PPP2R3B: variants seen among roughly 807,000 people sequenced by gnomAD.
PPP2R3B encodes the protein serine/threonine-protein phosphatase 2A regulatory subunit B'' subunit beta.
Under a neutral mutation model 72.9 loss-of-function variants are expected in PPP2R3B, and 68 were observed. The ratio of observed to expected loss-of-function variants is 0.93; its 90% CI spans 0.77 to 1.14. The LOEUF is 1.14. Among genes scored for constraint, PPP2R3B ranks in the 50% most tolerant of loss-of-function variants. PPP2R3B has a pLI of 0.00. For synonymous variants in PPP2R3B, 466 were observed against 375.8 expected, an observed-to-expected ratio of 1.24 and a Z score of -2.78; for missense variants, 1,018 against 842.0, an observed-to-expected ratio of 1.21 and a Z score of -2.59.
Position 364,636 on chromosome X carries a change from TC to T in PPP2R3B, c.325-3047del, listed in dbSNP as rs2071656586. 6.3e-5 allele frequency among the ~76,000 whole-genome samples: 9 copies of T among 143,376 alleles called. 2 individuals carry two copies. The highest frequency in any genetic ancestry group is 4.3e-4 in the East Asian group (2 of 4,646). 94.1% of individuals were successfully genotyped at this position (143,376 alleles called of 152,430 possible). ...GGGAGGCTGAGGCAGGAGAATCGCT[TC>T]AACACAGGAGGCGGAGGTTGCAGTG... On this transcript the variant is annotated intron_variant, in intron 1 of 12. Coordinates refer to ENST00000390665, the MANE Select transcript of PPP2R3B (RefSeq NM_013239.5).
At chrX:346,509 C>A in intron 5 of PPP2R3B, 192 bp downstream of exon 5, 1 of 644,276 alleles carries the variant, frequency 1.6e-6, no homozygotes, top group African/African-American at 1.9e-5. Flanking sequence ...GGTGCGGCCA[C>A]CCCGGAAAAC....
chrX:375,827 G>A (rs1276030071), intron 1 of PPP2R3B, among the ~76,000 whole-genome samples: 4 of 152,262 alleles, frequency 2.6e-5, no homozygotes, highest in East Asian at 1.9e-4. Flanking sequence ...GGTGACACAC[G>A]CCCTGTCCTG....
chrX:347,243 G>A lies in PPP2R3B; in HGVS notation c.708C>T (p.Pro236=), dbSNP rs372156751. The change falls in exon 4 of 13, where the codon CCC becomes CCT. Residue 236 remains proline, a synonymous_variant. Transcript: ENST00000390665. ...CNYLVQEDFV[P]FLQDVVNTHP... ...AGACGCAGGCTCTCACCTGCAAGAA[G>A]GGGACAAAGTCCTCCTGCACCAGGT... 32 of 1,613,574 alleles carry A rather than the reference G, an allele frequency of 2.0e-5. No homozygotes were observed. The East Asian group carries it at 6.7e-4, about 34-fold the overall frequency.
chrX:348,146 G>A (rs1428912441), intron 2 of PPP2R3B, among the ~76,000 whole-genome samples: 1 of 152,018 alleles, frequency 6.6e-6, no homozygotes, highest in East Asian at 1.9e-4. Context: ...GCGTGAGGAA[G>A]GAAAGTTTAA....
intron 1 of PPP2R3B, among the ~76,000 whole-genome samples, chrX:364,314 T>C (rs903660127): frequency 1.3e-5 from 2 of 151,654 alleles, no homozygotes; most frequent in African/African-American, 4.8e-5. Flanking sequence ...CCCCGAGAAC[T>C]GACGGCTACA....
At chrX:350,905 G>A (rs1345647904) in intron 2 of PPP2R3B, among the ~76,000 whole-genome samples, 1 of 152,174 alleles carries the variant, frequency 6.6e-6, no homozygotes, top group Non-Finnish European at 1.5e-5. Context: ...GACGTCGGCT[G>A]CTTGGTTCAC....
chrX:367,011 G>A (rs942138617), intron 1 of PPP2R3B, among the ~76,000 whole-genome samples: 1 of 150,244 alleles, frequency 6.7e-6, no homozygotes. Context: ...CTGGGTGACA[G>A]AGTGAGACTC....
At chrX:338,289 G>T (rs1385057779) in intron 12 of PPP2R3B, 1 of 525,736 alleles carries the variant, frequency 1.9e-6, no homozygotes, top group Admixed American at 3.2e-5. Flanking sequence ...GTGGGATAAG[G>T]ACAGACGTCG....
chrX:371,528 ACAGT>A lies in PPP2R3B; in HGVS notation c.325-9942_325-9939del, dbSNP rs371726835. ...AACAGAAGCCCAGGTGGGACGTCGC[ACAGT>A]CAGAAGATCAAGCTCAGGAGCACCC... On this transcript the variant is annotated intron_variant, in intron 1 of 12. Transcript: ENST00000390665. Among the ~76,000 whole-genome samples, 984 of 151,890 alleles carry A rather than the reference ACAGT, an allele frequency of 6.5e-3. 7 individuals carry two copies. The highest frequency in any genetic ancestry group is 0.027 in the Middle Eastern group (8 of 294).
chrX:374,803 G>A (rs373611357), intron 1 of PPP2R3B, among the ~76,000 whole-genome samples: 1 of 152,272 alleles, frequency 6.6e-6, no homozygotes, highest in African/African-American at 2.4e-5. Context: ...GCTGCCGCAC[G>A]CTCTGTTGAG....
chrX:353,264 C>T (rs1202866501), intron 2 of PPP2R3B, among the ~76,000 whole-genome samples: 1 of 152,028 alleles, frequency 6.6e-6, no homozygotes, highest in African/African-American at 2.4e-5. Flanking sequence ...ATCCCAGCTA[C>T]CCAGGAGGCT....
intron 1 of PPP2R3B, among the ~76,000 whole-genome samples, chrX:378,619 C>T (rs1186927558): frequency 1.3e-5 from 2 of 152,100 alleles, no homozygotes; most frequent in Non-Finnish European, 2.9e-5. Flanking sequence ...AGGACAGGCT[C>T]CAGCGGATTC....
rs199709398 is a variant in PPP2R3B, at chrX:347,234, C to G, written c.717G>C (p.Gln239His). Reference sequence around the variant, plus strand: ...CTGTGGTGTAGACGCAGGCTCTCACCTGCAAGAAGGGGACAAAGTCCTCCT... The same window carrying G: ...CTGTGGTGTAGACGCAGGCTCTCACGTGCAAGAAGGGGACAAAGTCCTCCT... ...LVQEDFVPFL[Q>H]DVVNTHPGLS... Residue 239 changes from glutamine to histidine, a missense_variant and splice_region_variant, in exon 4 of 13, where the codon CAG becomes CAC. Transcript: ENST00000390665. 1.7e-5 allele frequency: 28 copies of G among 1,613,340 alleles called. No homozygotes were observed. Among genetic ancestry groups the G allele is most frequent in the Non-Finnish European group, 2.3e-5 (27 of 1,179,700 alleles).
rs1416776672 is a variant in PPP2R3B at position 350,375 on chromosome X, AGCACCGCT to A, written c.511-2690_511-2683del. Among the ~76,000 whole-genome samples, 9 of 152,128 alleles carry A rather than the reference AGCACCGCT, an allele frequency of 5.9e-5. 1 individual carries two copies. The highest frequency in any genetic ancestry group is 1.9e-4 in the East Asian group (1 of 5,178). ...ACACGTGCGCTCCCTGAAGGAAGGG[AGCACCGCT>A]GCACCGCCCCAGCGCAGGACTCAGG... On this transcript the variant is annotated intron_variant, in intron 2 of 12. Coordinates refer to ENST00000390665, the MANE Select transcript of PPP2R3B (RefSeq NM_013239.5).
intron 2 of PPP2R3B, among the ~76,000 whole-genome samples, chrX:360,099 A>C (rs1217363890): frequency 6.6e-6 from 1 of 152,238 alleles, no homozygotes; most frequent in Non-Finnish European, 1.5e-5. Context: ...TTCTCTGTGA[A>C]TCCAGTTGCA....
intron 1 of PPP2R3B, among the ~76,000 whole-genome samples, chrX:382,507 C>CA (rs200029807): frequency 0.025 from 3,769 of 152,056 alleles, 114 homozygotes; most frequent in African/African-American, 0.069. Context: ...CTCATTTTCA[C>CA]CGCCTCCCTT....
intron 1 of PPP2R3B, among the ~76,000 whole-genome samples, chrX:372,281 G>A (rs1196072996): frequency 6.6e-6 from 1 of 152,228 alleles, no homozygotes; most frequent in African/African-American, 2.4e-5. Flanking sequence ...CTCCGAAGGA[G>A]TGCAAAAGTT....
intron 2 of PPP2R3B, among the ~76,000 whole-genome samples, chrX:360,922 C>T (rs62587157): frequency 0.25 from 38,531 of 152,122 alleles, 6,159 homozygotes; most frequent in Non-Finnish European, 0.36. Context: ...CACGCCGCGC[C>T]GCAGCACTCA....
At chrX:336,528 C>T (rs28406082) in intron 12 of PPP2R3B, 58,243 of 152,138 alleles carry the variant, frequency 0.38, 12,210 homozygotes, top group South Asian at 0.5. Context: ...CATCTCCCTG[C>T]GGGTTCCAGG....
Sources: gnomAD v4.1 joint callset for allele counts (sites outside exome capture counted in the v4.1 genomes callset) on GRCh38, gnomAD v4.1.1 for gene constraint, MANE v1.5 for transcripts, NCBI Gene and HGNC (gene_info 2026-07-23, HGNC 2026-07-21) for gene names.